Variants in UBTD2 observed in about 807,000 individuals in gnomAD.
The protein encoded by UBTD2 is ubiquitin domain containing 2, also known as ubiquitin domain-containing protein 2.
UBTD2 carries 9 observed loss-of-function variants against 19.8 expected under a neutral mutation model. That is an observed-to-expected ratio of 0.46 (90% CI 0.27 to 0.79). The LOEUF (loss-of-function observed/expected upper bound fraction) is 0.79. Ranked by LOEUF, UBTD2 falls within the 30% of genes least tolerant of loss-of-function variation. The pLI is 0.14. For synonymous variants in UBTD2, 98 were observed against 103.9 expected (o/e 0.94, Z 0.35); for missense variants, 250 against 300.4 (o/e 0.83, Z 1.24).
intron 1 of UBTD2, among the ~76,000 whole-genome samples, chr5:172,262,730 G>A (rs968452731): frequency 1.3e-4 from 20 of 151,936 alleles, no homozygotes; most frequent in Admixed American, 7.9e-4. Context: ...TAGGAGAGTC[G>A]CTTGAACCCG....
At position 172,211,484 on chromosome 5, in the gene UBTD2, T is replaced by C. The variant is rs758535017; in HGVS notation, c.*346A>G. ...AAAATTCTGTATTCAAAAAGGTGCT[T>C]GGTGCTGTCCTTCATGGATGCAATG... On this transcript the variant is annotated 3_prime_UTR_variant, in exon 3 of 3. Transcript: ENST00000393792. 3.7e-5 allele frequency: 7 copies of C among 188,554 alleles called. No homozygotes were observed. The highest frequency in any genetic ancestry group is 7.6e-5 in the Non-Finnish European group (7 of 92,624). 11.7% of individuals were successfully genotyped at this position (188,554 alleles called of 1,614,324 possible). A position where few individuals can be genotyped will look rare whatever the true frequency, so the allele number is the denominator to read the frequency against.
intron 1 of UBTD2, among the ~76,000 whole-genome samples, chr5:172,265,065 C>T (rs531495819): frequency 3.9e-5 from 6 of 152,218 alleles, no homozygotes; most frequent in Non-Finnish European, 7.3e-5. Context: ...ATAGGCTATA[C>T]ATGCAATTAA....
Position 172,210,554 on chromosome 5 carries a change from C to T in UBTD2, c.*1276G>A, listed in dbSNP as rs1771421711. On this transcript the variant is annotated 3_prime_UTR_variant, in exon 3 of 3. Transcript: ENST00000393792. The stretch of plus-strand genomic sequence containing the variant: ...AATCAGGTTATCTCCCTGGATTTTT[C>T]AGTCCCCTAATCTAACTTGCAAAAG... The T allele has an allele frequency of 6.6e-6, 1 of 152,178 alleles. No individual in the cohort carries two copies. The highest frequency in any genetic ancestry group is 1.5e-5 in the Non-Finnish European group (1 of 68,024). 9.4% of individuals were successfully genotyped at this position (152,178 alleles called of 1,614,324 possible). A position where few individuals can be genotyped will look rare whatever the true frequency, so the allele number is the denominator to read the frequency against.
chr5:172,235,944 T>C (rs1213515059), intron 1 of UBTD2, among the ~76,000 whole-genome samples: 1 of 152,164 alleles, frequency 6.6e-6, no homozygotes, highest in Non-Finnish European at 1.5e-5. Context: ...CTATATTTAA[T>C]TGCAGAAAGA....
rs1043607987 is a variant in UBTD2 at position 172,234,180 on chromosome 5, G to A, written c.249C>T (p.Ser83=). 1 of 1,613,970 alleles carries A rather than the reference G, an allele frequency of 6.2e-7. No homozygotes were observed. The highest frequency in any genetic ancestry group is 8.5e-7 in the Non-Finnish European group (1 of 1,180,030). ...ALKAAAHAFE[S]NDHELAQAII... is the part of the protein sequence containing the mutation. Reference sequence around the variant, plus strand: ...TTGCTTGTGCCAGTTCATGATCATTGCTCTCAAAAGCATGTGCAGCAGCCT... The same window carrying A: ...TTGCTTGTGCCAGTTCATGATCATTACTCTCAAAAGCATGTGCAGCAGCCT... Residue 83 remains serine (S), a synonymous_variant, in exon 2 of 3, where the codon AGC becomes AGT. Coordinates refer to ENST00000393792, the MANE Select transcript of UBTD2 (RefSeq NM_152277.3).
At position 172,222,728 on chromosome 5, in the gene UBTD2, A is replaced by C. The variant is rs1581210689; in HGVS notation, c.308-10501T>G. ...AGAATAATTACAAGGTAAATAGAGA[A>C]TACCATGGGATCTTGTTGAAGTAGA... On this transcript the variant is annotated intron_variant, in intron 2 of 2. Coordinates refer to ENST00000393792, the MANE Select transcript of UBTD2 (RefSeq NM_152277.3). Among the ~76,000 whole-genome samples, 6 of 152,354 alleles carry C rather than the reference A, an allele frequency of 3.9e-5. No homozygotes were observed. In the South Asian group the frequency reaches 1.2e-3, roughly 32 times the overall value.
chr5:172,212,659 T>C (rs1277169121), intron 2 of UBTD2, among the ~76,000 whole-genome samples: 1 of 152,224 alleles, frequency 6.6e-6, no homozygotes, highest in Non-Finnish European at 1.5e-5. Context: ...AGAGCAGTTT[T>C]CTTTTATTCT....
At chr5:172,269,830 C>A (rs1008817975) in intron 1 of UBTD2, among the ~76,000 whole-genome samples, 5 of 151,028 alleles carry the variant, frequency 3.3e-5, no homozygotes, top group African/African-American at 1.2e-4. Flanking sequence ...GTAATCCCAG[C>A]ACTTTGGGAG....
chr5:172,262,444 A>G (rs1755287328), intron 1 of UBTD2, among the ~76,000 whole-genome samples: 1 of 126,958 alleles, frequency 7.9e-6, no homozygotes, highest in East Asian at 2.2e-4. Context: ...AGACAGATCC[A>G]CCAAAAAAAA....
intron 1 of UBTD2, among the ~76,000 whole-genome samples, chr5:172,261,773 C>T (rs768148523): frequency 5.3e-5 from 8 of 152,024 alleles, no homozygotes; most frequent in Non-Finnish European, 1.0e-4. Context: ...TACAGGCATG[C>T]GCCTCCACAT....
chr5:172,212,209 T>C lies in UBTD2; in HGVS notation c.326A>G (p.Tyr109Cys), dbSNP rs199901548. Residue 109 changes from tyrosine (Y) to cysteine (C), a missense_variant, in exon 3 of 3, where the codon TAC becomes TGC. Tyr to Cys is a radical substitution (Grantham distance 194). Transcript: ENST00000393792. ...CTGATATCTGTTCCCCAGTTCATCG[T>C]AGCACTCTGTAAGTGCACCTTCAGA... Reference protein sequence around the residue: ...TLPHGALTECYDELGNRYQLP... With the variant: ...TLPHGALTECCDELGNRYQLP... The C allele has an allele frequency of 6.2e-7, 1 of 1,605,120 alleles. No homozygotes were observed. Among genetic ancestry groups the C allele is most frequent in the Non-Finnish European group, 8.5e-7 (1 of 1,173,058 alleles).
chr5:172,269,881 G>C (rs1581233374), intron 1 of UBTD2, among the ~76,000 whole-genome samples: 1 of 151,648 alleles, frequency 6.6e-6, no homozygotes, highest in East Asian at 2.0e-4. Flanking sequence ...TTCGAGACCG[G>C]CCTGGCCAAC....
intron 2 of UBTD2, among the ~76,000 whole-genome samples, chr5:172,220,429 A>G (rs1200199161): frequency 6.6e-6 from 1 of 152,166 alleles, no homozygotes; most frequent in Non-Finnish European, 1.5e-5. Context: ...TGAGGTGGGG[A>G]GTTCAAGACC....
At chr5:172,273,590 C>CAAAAAAA (rs35687001) in intron 1 of UBTD2, among the ~76,000 whole-genome samples, 628 of 36,338 alleles carry the variant, frequency 0.017, 19 homozygotes, top group Non-Finnish European at 0.022. Flanking sequence ...GACTCCGTCT[C>CAAAAAAA]AAAAAAAAAA....
At chr5:172,260,319 C>T (rs1755241720) in intron 1 of UBTD2, among the ~76,000 whole-genome samples, 2 of 149,898 alleles carry the variant, frequency 1.3e-5, no homozygotes, top group African/African-American at 5.1e-5. Flanking sequence ...TTCTTTCCTC[C>T]CTCTTCGAGC....
At chr5:172,232,316 TAA>T (rs10558751) in intron 2 of UBTD2, among the ~76,000 whole-genome samples, 294 of 131,986 alleles carry the variant, frequency 2.2e-3, no homozygotes, top group East Asian at 0.02. Context: ...CTCACTGTCA[TAA>T]AAAAAAAAAA....
chr5:172,218,816 AT>A (rs1240916216), intron 2 of UBTD2, among the ~76,000 whole-genome samples: 40 of 71,120 alleles, frequency 5.6e-4, no homozygotes, highest in East Asian at 9.7e-4. Context: ...AAAATAAAAA[AT>A]AAAAATAAAA....
In UBTD2 at chr5:172,254,625, T is replaced by C. The variant is rs977872412; in HGVS notation, c.71-20267A>G. The C allele has an allele frequency of 4.6e-6, 3 of 645,902 alleles. No individual in the cohort carries two copies. The Admixed American group carries it at 8.4e-5, about 18-fold the overall frequency. 40.0% of individuals were successfully genotyped at this position (645,902 alleles called of 1,614,324 possible). A position where few individuals can be genotyped will look rare whatever the true frequency, so the allele number is the denominator to read the frequency against. On this transcript the variant is annotated intron_variant, in intron 1 of 2. Coordinates refer to ENST00000393792, the MANE Select transcript of UBTD2 (RefSeq NM_152277.3). ...GTACACTTTGTTGCATCCATCGTAATCACATCTGTGTATCCTCCACTTCGA... is the reference window on the plus strand; with the variant it reads ...GTACACTTTGTTGCATCCATCGTAACCACATCTGTGTATCCTCCACTTCGA...
At chr5:172,251,679 T>C (rs1432931062) in intron 1 of UBTD2, among the ~76,000 whole-genome samples, 7 of 152,018 alleles carry the variant, frequency 4.6e-5, no homozygotes, top group Admixed American at 4.6e-4. Flanking sequence ...AAGCTGTTCT[T>C]CAGAATGAAG....
Sources: gnomAD v4.1 joint callset for allele counts (sites outside exome capture counted in the v4.1 genomes callset) on GRCh38, gnomAD v4.1.1 for gene constraint, MANE v1.5 for transcripts, NCBI Gene and HGNC (gene_info 2026-07-23, HGNC 2026-07-21) for gene names.